CADM2: variants seen among roughly 807,000 people sequenced by gnomAD.
CADM2 encodes the protein cell adhesion molecule 2.
In CADM2, 12 loss-of-function variants were observed where a neutral mutation model predicts 49.8. That is an observed-to-expected ratio of 0.24 (90% CI 0.15 to 0.39). The LOEUF is 0.39. Ranked by LOEUF, CADM2 falls within the 10% of genes least tolerant of loss-of-function variation. The pLI, the probability that CADM2 is intolerant of heterozygous loss-of-function variation, is 1.00. For synonymous variants in CADM2, 214 were observed against 175.4 expected (o/e 1.22, Z -1.74); for missense variants, 378 against 492.3 (o/e 0.77, Z 2.20).
chr3:85,596,780 G>A (rs1396266062), intron 1 of CADM2, among the ~76,000 whole-genome samples: 1 of 151,988 alleles, frequency 6.6e-6, no homozygotes, highest in African/African-American at 2.4e-5. Flanking sequence ...GCAGTGGCCC[G>A]ATCTTAACTC....
At chr3:85,168,345 A>G (rs546091148) in intron 1 of CADM2, among the ~76,000 whole-genome samples, 5 of 152,068 alleles carry the variant, frequency 3.3e-5, no homozygotes, top group Non-Finnish European at 5.9e-5. Context: ...ATGAGCTACC[A>G]TGCCCGGCCC....
chr3:85,266,249 A>C (rs1024408592), intron 1 of CADM2, among the ~76,000 whole-genome samples: 1 of 151,922 alleles, frequency 6.6e-6, no homozygotes, highest in Admixed American at 6.6e-5. Context: ...GAGCTCTTCA[A>C]ACTTGGAGAT....
At chr3:85,999,280 G>A (rs1729846609) in intron 8 of CADM2, among the ~76,000 whole-genome samples, 1 of 151,016 alleles carries the variant, frequency 6.6e-6, no homozygotes, top group African/African-American at 2.4e-5. Flanking sequence ...TTGGGGGGTG[G>A]ATCACTTGAG....
chr3:85,104,674 T>G (rs1277195407), intron 1 of CADM2, among the ~76,000 whole-genome samples: 1 of 152,224 alleles, frequency 6.6e-6, no homozygotes, highest in African/African-American at 2.4e-5. Context: ...ATGGCCATTT[T>G]CATGACATTG....
chr3:85,773,735 T>G (rs776454135), intron 2 of CADM2, among the ~76,000 whole-genome samples: 1 of 151,952 alleles, frequency 6.6e-6, no homozygotes, highest in African/African-American at 2.4e-5. Flanking sequence ...TTCTCATACT[T>G]TAAGTTCCGT....
intron 1 of CADM2, among the ~76,000 whole-genome samples, chr3:85,617,291 C>T (rs2063826525): frequency 1.3e-5 from 2 of 152,088 alleles, no homozygotes; most frequent in Admixed American, 1.3e-4. Context: ...GATTTATTTG[C>T]TAAAGCAGCT....
chr3:85,248,263 CTATT>C (rs2042693090), intron 1 of CADM2, among the ~76,000 whole-genome samples: 1 of 151,892 alleles, frequency 6.6e-6, no homozygotes, highest in African/African-American at 2.4e-5. Flanking sequence ...ATTCACATTT[CTATT>C]TATTTATTTT....
chr3:85,177,649 A>C, intron 1 of CADM2, among the ~76,000 whole-genome samples: 1 of 152,044 alleles, frequency 6.6e-6, no homozygotes, highest in East Asian at 1.9e-4. Flanking sequence ...TTAAGCACTA[A>C]AAATAATGAC....
intron 6 of CADM2, among the ~76,000 whole-genome samples, chr3:85,928,864 G>C (rs1720245985): frequency 6.6e-6 from 1 of 152,076 alleles, no homozygotes. Flanking sequence ...AATCGAGTAA[G>C]TTAATATATT....
intron 1 of CADM2, among the ~76,000 whole-genome samples, chr3:85,107,794 G>A (rs1315453853): frequency 2.7e-5 from 4 of 147,034 alleles, no homozygotes; most frequent in East Asian, 4.0e-4. Flanking sequence ...CTTGCCTCTC[G>A]GGTTCAGCCA....
chr3:85,550,519 G>T (rs1342030724), intron 1 of CADM2, among the ~76,000 whole-genome samples: 1 of 152,106 alleles, frequency 6.6e-6, no homozygotes, highest in East Asian at 1.9e-4. Flanking sequence ...ATTCCTCTGG[G>T]TGAGTCTGGT....
chr3:85,324,464 A>C (rs1348660325), intron 1 of CADM2, among the ~76,000 whole-genome samples: 1 of 152,190 alleles, frequency 6.6e-6, no homozygotes, highest in Non-Finnish European at 1.5e-5. Flanking sequence ...GCCGTCTGAA[A>C]AAAGTACATC....
intron 1 of CADM2, among the ~76,000 whole-genome samples, chr3:85,538,104 A>G (rs1242359306): frequency 2.6e-5 from 4 of 152,106 alleles, no homozygotes. Context: ...TTGCTTTAAT[A>G]TTGCCATTTT....
At chr3:85,758,190 A>G (rs541579153) in intron 2 of CADM2, among the ~76,000 whole-genome samples, 1 of 152,246 alleles carries the variant, frequency 6.6e-6, no homozygotes, top group Non-Finnish European at 1.5e-5. Flanking sequence ...ATTTGTTGGT[A>G]GGAGCACAAC....
chr3:85,662,233 G>T (rs1393148370), intron 1 of CADM2, among the ~76,000 whole-genome samples: 143 of 137,238 alleles, frequency 1.0e-3, no homozygotes, highest in African/African-American at 2.6e-3. Context: ...GTATAGGTGG[G>T]TTTTTTTTTT....
intron 1 of CADM2, among the ~76,000 whole-genome samples, chr3:85,207,400 T>C (rs1384028829): frequency 2.0e-5 from 3 of 152,164 alleles, no homozygotes; most frequent in African/African-American, 7.2e-5. Context: ...TTTTATTTTA[T>C]GAGAACCACA....
intron 1 of CADM2, among the ~76,000 whole-genome samples, chr3:85,364,673 G>A (rs1405154147): frequency 6.6e-6 from 1 of 152,058 alleles, no homozygotes; most frequent in East Asian, 1.9e-4. Context: ...AATTACTACA[G>A]CCCCCAATCT....
At chr3:85,940,332 T>C (rs1428878460) in intron 7 of CADM2, among the ~76,000 whole-genome samples, 1 of 151,640 alleles carries the variant, frequency 6.6e-6, no homozygotes, top group Non-Finnish European at 1.5e-5. Context: ...AGAGCAAAAC[T>C]CCATCCAAAA....
chr3:85,848,890 T>C (rs758840984), intron 3 of CADM2, among the ~76,000 whole-genome samples: 1 of 152,164 alleles, frequency 6.6e-6, no homozygotes, highest in East Asian at 1.9e-4. Flanking sequence ...TTTTAGTCTG[T>C]ATTACAGATG....
Sources: gnomAD v4.1 joint callset for allele counts (sites outside exome capture counted in the v4.1 genomes callset) on GRCh38, gnomAD v4.1.1 for gene constraint, MANE v1.5 for transcripts, NCBI Gene and HGNC (gene_info 2026-07-23, HGNC 2026-07-21) for gene names.